The following RBBP6 variants were observed in gnomAD, a reference collection of about 807,000 sequenced individuals.
The protein encoded by RBBP6 is E3 ubiquitin-protein ligase RBBP6.
Under a neutral mutation model 167.7 loss-of-function variants are expected in RBBP6, and 25 were observed. The observed-to-expected ratio is 0.15, with a 90% CI of 0.11 to 0.21. RBBP6 has a LOEUF of 0.21. Among genes scored for constraint, RBBP6 ranks in the 10% least tolerant of loss-of-function variants. RBBP6 has a pLI of 1.00. For missense variants in RBBP6, 1,868 were observed against 2,134.2 expected (o/e 0.88, Z 2.46); for synonymous variants, 789 against 735.8 (o/e 1.07, Z -1.17).
chr16:24,556,486 G>A (rs374992756), intron 7 of RBBP6, 39 bp downstream of exon 7: 24 of 1,589,068 alleles, frequency 1.5e-5, no homozygotes, highest in Non-Finnish European at 1.9e-5. Context: ...GGAGACTCCA[G>A]TCAGTCCCAG....
intron 7 of RBBP6, among the ~76,000 whole-genome samples, chr16:24,556,864 G>A (rs1898922943): frequency 6.6e-6 from 1 of 152,106 alleles, no homozygotes; most frequent in African/African-American, 2.4e-5. Context: ...TTAAGTGTCA[G>A]GCATAAATGA....
chr16:24,569,597 T>C lies in RBBP6; in HGVS notation c.2907T>C (p.Asn969=), dbSNP rs1303438314. Residue 969 remains asparagine (N), a synonymous_variant, in exon 17 of 18, where the codon AAT becomes AAC. Coordinates refer to ENST00000319715, the MANE Select transcript of RBBP6 (RefSeq NM_006910.5). ...KSREPTGVEE[N]KTDSLFVLPS... The stretch of plus-strand genomic sequence containing the variant: ...GAGAACCTACAGGTGTTGAAGAAAA[T>C]AAAACAGACTCATTGTTTGTTCTCC... 5 of 1,611,754 alleles carry C rather than the reference T, an allele frequency of 3.1e-6. No homozygotes were observed. Among genetic ancestry groups the C allele is most frequent in the Non-Finnish European group, 4.2e-6 (5 of 1,179,526 alleles).
At chr16:24,560,776 TATTTA>T (rs1259678936) in intron 8 of RBBP6, among the ~76,000 whole-genome samples, 2 of 152,222 alleles carry the variant, frequency 1.3e-5, no homozygotes, top group Non-Finnish European at 2.9e-5. Flanking sequence ...ATCTAGAGAT[TATTTA>T]AAGTATACTG....
intron 2 of RBBP6, among the ~76,000 whole-genome samples, chr16:24,548,298 G>C (rs1898710193): frequency 6.7e-6 from 1 of 148,334 alleles, no homozygotes; most frequent in Admixed American, 6.8e-5. Flanking sequence ...GTTTTTCTGG[G>C]AGTGAGAATT....
intron 1 of RBBP6, among the ~76,000 whole-genome samples, chr16:24,544,613 G>T (rs1312230465): frequency 6.6e-6 from 1 of 152,182 alleles, no homozygotes; most frequent in African/African-American, 2.4e-5. Context: ...AAAAGGCCTG[G>T]TTGTGTGATT....
At chr16:24,551,316 A>G (rs755250532) in intron 3 of RBBP6, among the ~76,000 whole-genome samples, 2 of 151,834 alleles carry the variant, frequency 1.3e-5, no homozygotes, top group Non-Finnish European at 3.0e-5. Context: ...TTTTACCATT[A>G]GTATCTTACC....
At chr16:24,563,772 C>A (rs114223770) in intron 13 of RBBP6, 108 bp downstream of exon 13, 2 of 958,808 alleles carry the variant, frequency 2.1e-6, no homozygotes, top group South Asian at 2.3e-5. Context: ...GGCAGCGGGT[C>A]GCTGCTCTTT....
chr16:24,561,664 T>C lies in RBBP6; in HGVS notation c.900T>C (p.His300=), dbSNP rs1322473858. 1.2e-6 allele frequency: 2 copies of C among 1,614,176 alleles called. No homozygotes were observed. Among genetic ancestry groups the C allele is most frequent in the Non-Finnish European group, 1.7e-6 (2 of 1,180,018 alleles). Residue 300 remains histidine, a synonymous_variant, in exon 9 of 18, where the codon CAT becomes CAC. Transcript: ENST00000319715. ...ESDEHTCPTC[H]QNDVSPDALI... ...ATGAGCACACATGTCCGACGTGTCA[T>C]CAAAATGATGTTTCTCCTGATGCTT...
Position 24,570,369 on chromosome 16 carries a change from A to C in RBBP6, c.3679A>C (p.Asn1227His), listed in dbSNP as rs752432906. Residue 1227 changes from asparagine to histidine, a missense_variant, in exon 17 of 18, where the codon AAC (asparagine) becomes CAC (histidine). By Grantham distance (68) the Asn-to-His change is moderately conservative. Transcript: ENST00000319715. ...AATTGGAAGTACAGAAAATATATCA[A>C]ACACAAAAGAACCCTCTGAAAAATT... ...KKIGSTENISNTKEPSEKLES... is the reference protein window; with the variant it reads ...KKIGSTENISHTKEPSEKLES... The C allele has an allele frequency of 1.9e-6, 3 of 1,613,096 alleles. No homozygotes were observed. In the South Asian group the frequency reaches 3.3e-5, roughly 18 times the overall value.
At chr16:24,567,092 C>T (rs763122488) in intron 14 of RBBP6, 51 bp from the exon 15 acceptor site, 2 of 1,542,684 alleles carry the variant, frequency 1.3e-6, no homozygotes, top group Non-Finnish European at 1.8e-6. Context: ...GCTTACTTGT[C>T]TCAGATGACT....
chr16:24,567,227 T>C lies in RBBP6; in HGVS notation c.1674T>C (p.Pro558=), dbSNP rs543468178. 41 of 1,614,102 alleles carry C rather than the reference T, an allele frequency of 2.5e-5. No homozygotes were observed. The South Asian group carries it at 4.2e-4, about 16-fold the overall frequency. ...PSLPATPVFV[P]VPPPPLYPPP... is the part of the protein sequence containing the mutation. ...TACCAGCAACTCCAGTCTTTGTACC[T>C]GTTCCACCACCTCCTTTGTATCCGC... The change falls in exon 15 of 18, where the codon CCT becomes CCC. Residue 558 remains proline, a synonymous_variant. Transcript: ENST00000319715.
intron 1 of RBBP6, among the ~76,000 whole-genome samples, chr16:24,542,872 C>A (rs1254996594): frequency 1.3e-5 from 2 of 152,070 alleles, no homozygotes; most frequent in Non-Finnish European, 2.9e-5. Flanking sequence ...GTAATTCAAA[C>A]CCAGAAAGCC....
At chr16:24,555,589 G>C (rs1898893989) in intron 4 of RBBP6, 26 bp from the exon 5 acceptor site, 1 of 1,558,188 alleles carries the variant, frequency 6.4e-7, no homozygotes, top group Non-Finnish European at 8.8e-7. Flanking sequence ...TCTAATGTGT[G>C]TGTCAAATAA....
rs763147930 is a variant in RBBP6, at chr16:24,561,727, T to G, written c.951+12T>G. ...AATTTTTACGACAGGTAACTGTCTGTATCCATTTTATGAAAAAATTCTTTT... is the reference window on the plus strand; with the variant it reads ...AATTTTTACGACAGGTAACTGTCTGGATCCATTTTATGAAAAAATTCTTTT... On this transcript the variant is annotated intron_variant, in intron 9 of 17. Coordinates refer to ENST00000319715, the MANE Select transcript of RBBP6 (RefSeq NM_006910.5). The G allele has an allele frequency of 9.3e-6, 15 of 1,610,902 alleles. No homozygotes were observed. The highest frequency in any genetic ancestry group is 1.3e-5 in the Non-Finnish European group (15 of 1,177,236).
chr16:24,545,101 CAG>C (rs1202005079), intron 1 of RBBP6, among the ~76,000 whole-genome samples: 2 of 151,978 alleles, frequency 1.3e-5, no homozygotes, highest in African/African-American at 4.8e-5. Flanking sequence ...TTTTTTGAGA[CAG>C]AGTCTTGCTC....
intron 4 of RBBP6, chr16:24,553,867 T>C (rs765641106): frequency 4.5e-5 from 8 of 179,728 alleles, no homozygotes; most frequent in Non-Finnish European, 9.2e-5. Flanking sequence ...TGGAGGAATT[T>C]CCTGGTTTTG....
intron 2 of RBBP6, among the ~76,000 whole-genome samples, chr16:24,548,120 A>G (rs1898705234): frequency 6.6e-6 from 1 of 152,170 alleles, no homozygotes; most frequent in Admixed American, 6.5e-5. Context: ...AAGATACCTT[A>G]AACTTTAAGC....
At chr16:24,559,733 G>C in intron 8 of RBBP6, 56 bp downstream of exon 8, 2 of 1,408,336 alleles carry the variant, frequency 1.4e-6, no homozygotes, top group Non-Finnish European at 1.9e-6. Context: ...TATTTACTTG[G>C]AATGGCTCTT....
chr16:24,549,021 C>T (rs1356137615), intron 3 of RBBP6, 40 bp downstream of exon 3: 4 of 1,600,330 alleles, frequency 2.5e-6, no homozygotes, highest in Non-Finnish European at 3.4e-6. Context: ...CTACACATTG[C>T]TTTTACCTTT....
Sources: allele counts gnomAD v4.1 joint callset (sites outside exome capture counted in the v4.1 genomes callset), GRCh38; gene constraint gnomAD v4.1.1; transcripts MANE v1.5; gene names NCBI Gene and HGNC (gene_info 2026-07-23, HGNC 2026-07-21).